SEMA3B: variants seen among roughly 807,000 people sequenced by gnomAD.
SEMA3B encodes semaphorin-3B.
A neutral mutation model predicts 77.8 loss-of-function variants in SEMA3B; 71 were observed. The observed-to-expected ratio is 0.91, with a 90% CI of 0.75 to 1.11. SEMA3B has a LOEUF of 1.11. SEMA3B is among the 50% of genes most tolerant of loss of function. SEMA3B has a pLI of 0.00. For synonymous variants in SEMA3B, 470 were observed against 452.9 expected (o/e 1.04, Z -0.48); for missense variants, 968 against 1,056.8 (o/e 0.92, Z 1.17).
In SEMA3B at chr3:50,273,467, C is replaced by G; in HGVS notation, c.810+24C>G. On this transcript the variant is annotated intron_variant, in intron 7 of 16. Transcript: ENST00000616701. The surrounding 1 kb of genome is among the most constrained non-coding windows in gnomAD (Gnocchi z 6.5). ...GGGTGAGGAGTCCCTGGGCCACACC[C>G]GGCGACCCTGCCCCTACCCCTTTGC... The G allele has an allele frequency of 6.2e-7, 1 of 1,611,198 alleles. No homozygotes were observed. The highest frequency in any genetic ancestry group is 8.5e-7 in the Non-Finnish European group (1 of 1,178,146).
upstream of SEMA3B, among the ~76,000 whole-genome samples, chr3:50,264,865 G>C (rs587736463): frequency 6.6e-6 from 1 of 152,174 alleles, no homozygotes; most frequent in Non-Finnish European, 1.5e-5. Flanking sequence ...TGGTTGGGGG[G>C]GCTCCCGCAT....
chr3:50,262,987 C>T (rs587656579), upstream of SEMA3B: 166 of 152,304 alleles, frequency 1.1e-3, 2 homozygotes, highest in African/African-American at 3.4e-3. Context: ...AGAGCCCTGC[C>T]CAGAGGCTTG....
At position 50,271,497 on chromosome 3, in the gene SEMA3B, G is replaced by A. The variant is rs138414162; in HGVS notation, c.664+17G>A. 4,721 of 1,554,928 alleles carry A rather than the reference G, an allele frequency of 3.0e-3. 17 individuals are homozygous for A. Among genetic ancestry groups the A allele is most frequent in the Non-Finnish European group, 3.7e-3 (4,214 of 1,149,056 alleles). ...GGCTCAATGGTGAGAGGCTGGTGGG[G>A]TTGGTGGGTAGAGGTCGTCACCCTC... On this transcript the variant is annotated intron_variant, in intron 6 of 16. Coordinates refer to ENST00000616701, the MANE Select transcript of SEMA3B (RefSeq NM_001290060.2).
rs781937061 is a variant in SEMA3B at position 50,274,959 on chromosome 3, G to A, written c.1449+25G>A. ...GGTGAGGCCTCACCCCCAGTCGCCC[G>A]GGACCCCCCCACCCCACTAAGCCCT... On this transcript the variant is annotated intron_variant, in intron 12 of 16. Coordinates refer to ENST00000616701, the MANE Select transcript of SEMA3B (RefSeq NM_001290060.2). This position sits in a 1 kb window ranked among gnomAD's most constrained non-coding sequence, Gnocchi z 4.7. The A allele has an allele frequency of 1.9e-6, 3 of 1,576,336 alleles. No individual in the cohort carries two copies. The highest frequency in any genetic ancestry group is 1.1e-5 in the South Asian group (1 of 88,902).
chr3:50,275,610 C>T lies in SEMA3B; in HGVS notation c.1700C>T (p.Ser567Phe), dbSNP rs1553706447. The change falls in exon 15 of 17, where the codon TCC becomes TTC. Residue 567 changes from serine to phenylalanine, a missense_variant. By Grantham distance (155) the Ser-to-Phe change is radical. Coordinates refer to ENST00000616701, the MANE Select transcript of SEMA3B (RefSeq NM_001290060.2). This position sits in a 1 kb window ranked among gnomAD's most constrained non-coding sequence, Gnocchi z 7.5. The part of the protein sequence containing the change: ...VRNGDPSTLC[S>F]GDSSRPALLE... ...AATGGCGACCCCAGCACGTTGTGCT[C>T]CGGAGGTGAGTGCCCCAGCTGCCCC... is the stretch of plus-strand genomic sequence containing the variant. 1.2e-6 allele frequency: 2 copies of T among 1,613,720 alleles called. No homozygotes were observed. The highest frequency in any genetic ancestry group is 2.2e-5 in the South Asian group (2 of 91,086).
upstream of SEMA3B, among the ~76,000 whole-genome samples, chr3:50,268,298 C>T (rs1700952953): frequency 6.6e-6 from 1 of 152,222 alleles, no homozygotes; most frequent in South Asian, 2.1e-4. Flanking sequence ...TCTTGGGTCT[C>T]CTGGGTAGCA....
At position 50,270,403 on chromosome 3, in the gene SEMA3B, T is replaced by C. The variant is rs1701015037; in HGVS notation, c.268-30T>C. The C allele has an allele frequency of 1.2e-6, 2 of 1,613,724 alleles. No individual in the cohort carries two copies. Reference sequence around the variant, plus strand: ...TAGAGAATATCCCAAGTTCCTGACCTGTGTCCCCTCTCCCCCAACCTCCCG... The same window carrying C: ...TAGAGAATATCCCAAGTTCCTGACCCGTGTCCCCTCTCCCCCAACCTCCCG... On this transcript the variant is annotated intron_variant, in intron 2 of 16. Coordinates refer to ENST00000616701, the MANE Select transcript of SEMA3B (RefSeq NM_001290060.2). The surrounding 1 kb of genome is among the most constrained non-coding windows in gnomAD (Gnocchi z 4.7).
At position 50,273,840 on chromosome 3, in the gene SEMA3B, G is replaced by A. The variant is rs13079065; in HGVS notation, c.992+12G>A. 2 of 1,571,144 alleles carry A rather than the reference G, an allele frequency of 1.3e-6. No homozygotes were observed. The highest frequency in any genetic ancestry group is 1.8e-5 in the Admixed American group (1 of 54,232). On this transcript the variant is annotated intron_variant, in intron 9 of 16. Coordinates refer to ENST00000616701, the MANE Select transcript of SEMA3B (RefSeq NM_001290060.2). This position sits in a 1 kb window ranked among gnomAD's most constrained non-coding sequence, Gnocchi z 6.5. ...TTCTCCACGTCCAGGTGAGGGGCAG[G>A]AGGTAGGGAGCGCCCGGGGCGGGCC...
chr3:50,271,702 AG>A (rs1701059461), intron 6 of SEMA3B, among the ~76,000 whole-genome samples: 1 of 152,176 alleles, frequency 6.6e-6, no homozygotes, highest in Non-Finnish European at 1.5e-5. Context: ...AATGGCCTTG[AG>A]GCCAGAGAGA....
chr3:50,266,824 GTC>G (rs1700907326), upstream of SEMA3B: 1 of 152,218 alleles, frequency 6.6e-6, no homozygotes, highest in Non-Finnish European at 1.5e-5. Context: ...GCTCCGTCCT[GTC>G]TGTAAAACTC....
rs1701167221 is a variant in SEMA3B, at chr3:50,274,622, G to A, written c.1357+40G>A. ...ACAGCGACCCCCAGGCTCCCAGCCA[G>A]GCCCTGTGGGCTGCTGATGGAAGCT... On this transcript the variant is annotated intron_variant, in intron 11 of 16. Transcript: ENST00000616701. The surrounding 1 kb of genome is among the most constrained non-coding windows in gnomAD (Gnocchi z 4.7). The A allele has an allele frequency of 6.6e-7, 1 of 1,512,624 alleles. No individual in the cohort carries two copies. Among genetic ancestry groups the A allele is most frequent in the African/African-American group, 1.4e-5 (1 of 71,744 alleles). The allele number at this position is 1,512,624 out of a possible 1,614,324, so 93.7% of individuals were successfully genotyped here.
chr3:50,273,205 G>T lies in SEMA3B; in HGVS notation c.665-93G>T. On this transcript the variant is annotated intron_variant, in intron 6 of 16. Transcript: ENST00000616701. The surrounding 1 kb of genome is among the most constrained non-coding windows in gnomAD (Gnocchi z 6.5). ...GTCAGACACTGTGATCCCGGGTGCT[G>T]TGCCCGCACTACGGGAAGGGGAAGC... The T allele has an allele frequency of 6.7e-7, 1 of 1,499,402 alleles. No homozygotes were observed. Among genetic ancestry groups the T allele is most frequent in the East Asian group, 2.4e-5 (1 of 41,036 alleles). 92.9% of individuals were successfully genotyped at this position (1,499,402 alleles called of 1,614,324 possible). A position where few individuals can be genotyped will look rare whatever the true frequency, so the allele number is the denominator to read the frequency against.
rs1366553375 is a variant in SEMA3B at position 50,270,716 on chromosome 3, AC to A, written c.331-171del. 8.2e-7 allele frequency: 1 copy of A among 1,222,896 alleles called. No individual in the cohort carries two copies. Among genetic ancestry groups the A allele is most frequent in the Non-Finnish European group, 1.1e-6 (1 of 889,850 alleles). 75.8% of individuals were successfully genotyped at this position (1,222,896 alleles called of 1,614,324 possible). The stretch of plus-strand genomic sequence containing the variant: ...TTTGCAGGCCTGTGCTTCCCCAGAC[AC>A]CCACCCTCGTGAGGCCTGGGCTGGT... On this transcript the variant is annotated intron_variant, in intron 3 of 16. Transcript: ENST00000616701. This position sits in a 1 kb window ranked among gnomAD's most constrained non-coding sequence, Gnocchi z 4.7.
rs1311080894 is a variant in SEMA3B at position 50,276,226 on chromosome 3, C to T, written c.1846-76C>T. On this transcript the variant is annotated intron_variant, in intron 16 of 16. Coordinates refer to ENST00000616701, the MANE Select transcript of SEMA3B (RefSeq NM_001290060.2). This position sits in a 1 kb window ranked among gnomAD's most constrained non-coding sequence, Gnocchi z 5.8. ...CTCGGCTCCCAATGACTCTTTGCTTCTTCCGTCGCGTGCTAGGGCCCGGAA... is the reference window on the plus strand; with the variant it reads ...CTCGGCTCCCAATGACTCTTTGCTTTTTCCGTCGCGTGCTAGGGCCCGGAA... The T allele has an allele frequency of 1.4e-6, 2 of 1,422,412 alleles. No homozygotes were observed. The highest frequency in any genetic ancestry group is 2.5e-4 in the Middle Eastern group (1 of 3,928). The allele number at this position is 1,422,412 out of a possible 1,614,324, so 88.1% of individuals were successfully genotyped here.
Position 50,276,395 on chromosome 3 carries a change from G to A in SEMA3B, c.1939G>A (p.Val647Ile). The change falls in exon 17 of 17, where the codon GTC becomes ATC. Residue 647 changes from valine to isoleucine, a missense_variant. Coordinates refer to ENST00000616701, the MANE Select transcript of SEMA3B (RefSeq NM_001290060.2). This position sits in a 1 kb window ranked among gnomAD's most constrained non-coding sequence, Gnocchi z 5.8. Reference protein sequence around the residue: ...RDSGVYLCAAVEQGFTQPLRR... With the variant: ...RDSGVYLCAAIEQGFTQPLRR... ...CTCGGGCGTGTACTTGTGCGCCGCC[G>A]TCGAGCAGGGCTTTACGCAACCGCT... is the stretch of plus-strand genomic sequence containing the variant. The A allele has an allele frequency of 6.5e-7, 1 of 1,536,434 alleles. No individual in the cohort carries two copies. Among genetic ancestry groups the A allele is most frequent in the Non-Finnish European group, 8.7e-7 (1 of 1,145,798 alleles).
Position 50,274,640 on chromosome 3 carries a change from T to C in SEMA3B, c.1357+58T>C. The C allele has an allele frequency of 6.7e-7, 1 of 1,503,276 alleles. No individual in the cohort carries two copies. Among genetic ancestry groups the C allele is most frequent in the South Asian group, 1.3e-5 (1 of 75,580 alleles). 93.1% of individuals were successfully genotyped at this position (1,503,276 alleles called of 1,614,324 possible). On this transcript the variant is annotated intron_variant, in intron 11 of 16. Transcript: ENST00000616701. This position sits in a 1 kb window ranked among gnomAD's most constrained non-coding sequence, Gnocchi z 4.7. ...CCAGCCAGGCCCTGTGGGCTGCTGA[T>C]GGAAGCTCTCCCTGTTCAGTCCCAT...
the SEMA3B span, chr3:50,262,013 G>C: frequency 6.6e-6 from 1 of 152,344 alleles, no homozygotes; most frequent in Non-Finnish European, 1.5e-5. Flanking sequence ...AGAGACCCTG[G>C]GGCTGGGTGT....
Position 50,276,394 on chromosome 3 carries a change from C to A in SEMA3B, c.1938C>A (p.Ala646=). 1 of 1,536,466 alleles carries A rather than the reference C, an allele frequency of 6.5e-7. No individual in the cohort carries two copies. Among genetic ancestry groups the A allele is most frequent in the Non-Finnish European group, 8.7e-7 (1 of 1,145,804 alleles). The change falls in exon 17 of 17, where the codon GCC becomes GCA. Residue 646 remains alanine (A), a synonymous_variant. Coordinates refer to ENST00000616701, the MANE Select transcript of SEMA3B (RefSeq NM_001290060.2). This position sits in a 1 kb window ranked among gnomAD's most constrained non-coding sequence, Gnocchi z 5.8. The part of the protein sequence containing the change: ...RRDSGVYLCA[A]VEQGFTQPLR... ...ACTCGGGCGTGTACTTGTGCGCCGC[C>A]GTCGAGCAGGGCTTTACGCAACCGC...
Position 50,274,321 on chromosome 3 carries a change from A to T in SEMA3B, c.1138-42A>T. ...ATGGAGGGCTGCCTATCAAGCCCCCATATCTATATCCCTGCTGTGCCTCCC... is the reference window on the plus strand; with the variant it reads ...ATGGAGGGCTGCCTATCAAGCCCCCTTATCTATATCCCTGCTGTGCCTCCC... On this transcript the variant is annotated intron_variant, in intron 10 of 16. Coordinates refer to ENST00000616701, the MANE Select transcript of SEMA3B (RefSeq NM_001290060.2). The surrounding 1 kb of genome is among the most constrained non-coding windows in gnomAD (Gnocchi z 4.7). 1 of 1,420,588 alleles carries T rather than the reference A, an allele frequency of 7.0e-7. No individual in the cohort carries two copies. The highest frequency in any genetic ancestry group is 9.5e-7 in the Non-Finnish European group (1 of 1,055,274). 88.0% of individuals were successfully genotyped at this position (1,420,588 alleles called of 1,614,324 possible).
Sources: allele counts gnomAD v4.1 joint callset (sites outside exome capture counted in the v4.1 genomes callset), GRCh38; gene constraint gnomAD v4.1.1; non-coding constraint Gnocchi (gnomAD v3.1); transcripts MANE v1.5; gene names NCBI Gene and HGNC (gene_info 2026-07-23, HGNC 2026-07-21).